Variants in CSRNP3 observed in about 807,000 individuals in gnomAD.
CSRNP3 encodes the protein cysteine/serine-rich nuclear protein 3.
CSRNP3 carries 12 observed loss-of-function variants against 48.0 expected under a neutral mutation model. The observed-to-expected ratio is 0.25, with a 90% CI of 0.16 to 0.41. The LOEUF (loss-of-function observed/expected upper bound fraction) is 0.41, where lower values mean the gene tolerates loss of function less well. Among genes scored for constraint, CSRNP3 ranks in the 10% least tolerant of loss-of-function variants. The pLI is 1.00. For synonymous variants in CSRNP3, 263 were observed against 269.7 expected, an observed-to-expected ratio of 0.98 and a Z score of 0.24; for missense variants, 580 against 724.4, an observed-to-expected ratio of 0.80 and a Z score of 2.29.
At chr2:165,509,121 TCCC>T (rs1224443110) in intron 2 of CSRNP3, among the ~76,000 whole-genome samples, 4 of 152,184 alleles carry the variant, frequency 2.6e-5, no homozygotes, top group Admixed American at 2.0e-4. Flanking sequence ...AGAAAGCCCC[TCCC>T]CTCATGATGT....
rs371497701 is a variant in CSRNP3, at chr2:165,562,469, G to A, written c.-23-32574G>A. 9.9e-5 allele frequency among the ~76,000 whole-genome samples: 15 copies of A among 152,274 alleles called. No individual in the cohort carries two copies. In the South Asian group the frequency reaches 2.3e-3, roughly 23 times the overall value. ...CTGATCCAATTCTCATAACCCTGTTGTTGGGGGAGAAAAAGTGTATGCAGT... is the reference window on the plus strand; with the variant it reads ...CTGATCCAATTCTCATAACCCTGTTATTGGGGGAGAAAAAGTGTATGCAGT... On this transcript the variant is annotated intron_variant, in intron 3 of 6. Transcript: ENST00000651982.
intron 3 of CSRNP3, among the ~76,000 whole-genome samples, chr2:165,589,363 A>G (rs1205210152): frequency 6.6e-6 from 1 of 152,156 alleles, no homozygotes; most frequent in Non-Finnish European, 1.5e-5. Context: ...TGGCCTTCAA[A>G]TTTTGTTGTG....
intron 3 of CSRNP3, among the ~76,000 whole-genome samples, chr2:165,549,544 C>T (rs575438889): frequency 6.6e-6 from 1 of 151,998 alleles, no homozygotes; most frequent in Non-Finnish European, 1.5e-5. Context: ...TGTGGTAGCT[C>T]TCAATTATAT....
intron 3 of CSRNP3, among the ~76,000 whole-genome samples, chr2:165,522,558 C>A (rs1193794740): frequency 6.6e-6 from 1 of 151,732 alleles, no homozygotes; most frequent in Non-Finnish European, 1.5e-5. Context: ...ACATATGTAA[C>A]CTGACTTCAC....
chr2:165,582,593 G>A (rs887481145), intron 3 of CSRNP3, among the ~76,000 whole-genome samples: 7 of 152,136 alleles, frequency 4.6e-5, no homozygotes, highest in Non-Finnish European at 8.8e-5. Context: ...TGACCCTGAC[G>A]GTAAAAGGAA....
rs1374001125 is a variant in CSRNP3 at position 165,657,749 on chromosome 2, T to C, written c.149-12T>C. 2 of 1,611,702 alleles carry C rather than the reference T, an allele frequency of 1.2e-6. No individual in the cohort carries two copies. The highest frequency in any genetic ancestry group is 3.3e-5 in the Admixed American group (2 of 59,978). On this transcript the variant is annotated splice_polypyrimidine_tract_variant and intron_variant, in intron 4 of 6. Coordinates refer to ENST00000651982, the MANE Select transcript of CSRNP3 (RefSeq NM_001172173.2). ...CCCCAAGTGTTCACAGGATTGTTTC[T>C]TTCTCTTTCAGCTTCCTCCATTCTC...
intron 4 of CSRNP3, among the ~76,000 whole-genome samples, chr2:165,603,804 A>G (rs1475891162): frequency 6.6e-6 from 1 of 152,192 alleles, no homozygotes; most frequent in Non-Finnish European, 1.5e-5. Context: ...GCATCCCACC[A>G]GGTAGATTTT....
chr2:165,634,209 G>A (rs1048600664), intron 4 of CSRNP3, among the ~76,000 whole-genome samples: 1 of 151,962 alleles, frequency 6.6e-6, no homozygotes, highest in Admixed American at 6.6e-5. Flanking sequence ...GCATGATGGT[G>A]TGTGCCTGTA....
At chr2:165,547,805 T>C (rs1274358002) in intron 3 of CSRNP3, among the ~76,000 whole-genome samples, 1 of 152,076 alleles carries the variant, frequency 6.6e-6, no homozygotes, top group Non-Finnish European at 1.5e-5. Flanking sequence ...GATTTGCAGA[T>C]AATTATAAAT....
intron 5 of CSRNP3, among the ~76,000 whole-genome samples, chr2:165,664,117 G>A (rs545015784): frequency 2.0e-5 from 3 of 152,200 alleles, no homozygotes; most frequent in Non-Finnish European, 2.9e-5. Flanking sequence ...CTAGTTCTTC[G>A]AGGGTATAAT....
rs531682657 is a variant in CSRNP3 at position 165,662,758 on chromosome 2, C to T, written c.408+4738C>T. 6.6e-5 allele frequency among the ~76,000 whole-genome samples: 10 copies of T among 152,264 alleles called. 1 individual carries two copies. The South Asian group carries it at 2.1e-3, about 32-fold the overall frequency. On this transcript the variant is annotated intron_variant, in intron 5 of 6. Coordinates refer to ENST00000651982, the MANE Select transcript of CSRNP3 (RefSeq NM_001172173.2). ...TTTAATTTAGCTTTCACAGCTTTGG[C>T]TTGCCTTTTTATTTTTTCAACCCAA... is the stretch of plus-strand genomic sequence containing the variant.
At chr2:165,665,680 G>T (rs950069403) in intron 5 of CSRNP3, among the ~76,000 whole-genome samples, 2 of 151,740 alleles carry the variant, frequency 1.3e-5, no homozygotes, top group Non-Finnish European at 2.9e-5. Flanking sequence ...GCATCACTTG[G>T]GCCCTGGAGT....
intron 2 of CSRNP3, among the ~76,000 whole-genome samples, chr2:165,499,909 A>G (rs1684333461): frequency 6.6e-6 from 1 of 152,114 alleles, no homozygotes; most frequent in Admixed American, 6.6e-5. Context: ...ATAAGGGAGT[A>G]GTAGTAAAGA....
intron 3 of CSRNP3, among the ~76,000 whole-genome samples, chr2:165,557,972 A>G (rs1685181580): frequency 6.6e-6 from 1 of 152,192 alleles, no homozygotes; most frequent in Admixed American, 6.5e-5. Flanking sequence ...TAATATTCTT[A>G]TTAATGTTGG....
chr2:165,600,725 A>G lies in CSRNP3; in HGVS notation c.148+5512A>G, dbSNP rs550344109. Among the ~76,000 whole-genome samples the G allele has an allele frequency of 3.3e-5, 5 of 152,316 alleles. No homozygotes were observed. In the East Asian group the frequency reaches 7.7e-4, roughly 23 times the overall value. On this transcript the variant is annotated intron_variant, in intron 4 of 6. Coordinates refer to ENST00000651982, the MANE Select transcript of CSRNP3 (RefSeq NM_001172173.2). ...TTTCATGTGTTTTTTGGCTGCATAA[A>G]TGTCTTCTTTTGAGAAGTGTCTGTT... is the stretch of plus-strand genomic sequence containing the variant.
Position 165,585,138 on chromosome 2 carries a change from T to G in CSRNP3, c.-23-9905T>G, listed in dbSNP as rs75717048. Among the ~76,000 whole-genome samples, 50 of 152,300 alleles carry G rather than the reference T, an allele frequency of 3.3e-4. No homozygotes were observed. In the East Asian group the frequency reaches 9.6e-3, roughly 29 times the overall value. ...TTAATTTAAACTAACAGTTAAACATTTGTTCAGGTATTTAGGAACATTTGG... is the reference window on the plus strand; with the variant it reads ...TTAATTTAAACTAACAGTTAAACATGTGTTCAGGTATTTAGGAACATTTGG... On this transcript the variant is annotated intron_variant, in intron 3 of 6. Coordinates refer to ENST00000651982, the MANE Select transcript of CSRNP3 (RefSeq NM_001172173.2).
rs921742445 is a variant in CSRNP3, at chr2:165,596,025, T to C, written c.148+812T>C. Among the ~76,000 whole-genome samples, 3 of 152,238 alleles carry C rather than the reference T, an allele frequency of 2.0e-5. No individual in the cohort carries two copies. The East Asian group carries it at 5.8e-4, about 29-fold the overall frequency. ...TAGTATAGATGGCGTTTCACCATAT[T>C]GGTCAGGCTGATCTCAAACTCCTGA... On this transcript the variant is annotated intron_variant, in intron 4 of 6. Transcript: ENST00000651982.
chr2:165,689,081 C>A lies in CSRNP3; in HGVS notation c.*9328C>A. The A allele has an allele frequency of 6.6e-6, 1 of 152,002 alleles. No homozygotes were observed. The highest frequency in any genetic ancestry group is 1.9e-4 in the East Asian group (1 of 5,180). 9.4% of individuals were successfully genotyped at this position (152,002 alleles called of 1,614,324 possible). ...TTCTCTTGTGTATAAGTTATAACAT[C>A]AAAAATGCCAAAGGGTATATAAAAT... On this transcript the variant is annotated 3_prime_UTR_variant, in exon 7 of 7. Coordinates refer to ENST00000651982, the MANE Select transcript of CSRNP3 (RefSeq NM_001172173.2).
chr2:165,527,998 G>C (rs937626144), intron 3 of CSRNP3, among the ~76,000 whole-genome samples: 1 of 151,038 alleles, frequency 6.6e-6, no homozygotes, highest in African/African-American at 2.4e-5. Context: ...AGGGAGAGGA[G>C]GAAGAGCTAA....
Sources: allele counts gnomAD v4.1 joint callset (sites outside exome capture counted in the v4.1 genomes callset), GRCh38; gene constraint gnomAD v4.1.1; transcripts MANE v1.5; gene names NCBI Gene and HGNC (gene_info 2026-07-23, HGNC 2026-07-21).